The following KLHDC10 variants were observed in gnomAD, a reference collection of about 807,000 sequenced individuals.
KLHDC10 encodes kelch domain containing 10.
In KLHDC10, 24 loss-of-function variants were observed where a neutral mutation model predicts 56.1. That is an observed-to-expected ratio of 0.43 (90% confidence interval 0.31 to 0.60). The LOEUF (loss-of-function observed/expected upper bound fraction) is 0.60. Ranked by LOEUF, KLHDC10 falls within the 20% of genes least tolerant of loss-of-function variation. The pLI, the probability that KLHDC10 is intolerant of heterozygous loss-of-function variation, is 0.11. For synonymous variants in KLHDC10, 188 were observed against 207.1 expected (o/e 0.91, Z 0.79); for missense variants, 349 against 567.0 (o/e 0.62, Z 3.91).
chr7:130,121,837 C>T (rs1034385335), intron 4 of KLHDC10, among the ~76,000 whole-genome samples: 3 of 152,186 alleles, frequency 2.0e-5, no homozygotes, highest in Non-Finnish European at 4.4e-5. Context: ...GACTTCCTTT[C>T]CAGTTGAGTA....
At position 130,132,477 on chromosome 7, in the gene KLHDC10, T is replaced by C. The variant is rs1326317725; in HGVS notation, c.*1731T>C. 1 of 152,200 alleles carries C rather than the reference T, an allele frequency of 6.6e-6. No individual in the cohort carries two copies. Among genetic ancestry groups the C allele is most frequent in the East Asian group, 1.9e-4 (1 of 5,198 alleles). The allele number at this position is 152,200 out of a possible 1,614,324, so 9.4% of individuals were successfully genotyped here. A position where few individuals can be genotyped will look rare whatever the true frequency, so the allele number is the denominator to read the frequency against. On this transcript the variant is annotated 3_prime_UTR_variant, in exon 10 of 10. Transcript: ENST00000335420. ...CTAGGCCTTATCATACCATCCCCTC[T>C]GTGATGGGTTGAGTTCATGGAGCCT...
At chr7:130,076,844 G>C (rs779685121) in intron 1 of KLHDC10, among the ~76,000 whole-genome samples, 10 of 151,920 alleles carry the variant, frequency 6.6e-5, no homozygotes, top group Non-Finnish European at 1.2e-4. Flanking sequence ...TCTATTCCTT[G>C]GTTATCATCT....
chr7:130,117,707 C>T (rs1481664999), intron 3 of KLHDC10: 1 of 151,952 alleles, frequency 6.6e-6, no homozygotes, highest in African/African-American at 2.4e-5. Flanking sequence ...AAAAATTAAC[C>T]AGGCATGGTG....
intron 7 of KLHDC10, among the ~76,000 whole-genome samples, chr7:130,126,983 A>C (rs1270264618): frequency 6.6e-6 from 1 of 152,190 alleles, no homozygotes; most frequent in Non-Finnish European, 1.5e-5. Flanking sequence ...GTGCACCTGT[A>C]GTCCCAGTTA....
intron 1 of KLHDC10, among the ~76,000 whole-genome samples, chr7:130,076,692 A>C (rs1036630729): frequency 2.6e-5 from 4 of 152,198 alleles, no homozygotes; most frequent in Non-Finnish European, 4.4e-5. Context: ...CTGCCCAGTT[A>C]TGGCAGTGTC....
At chr7:130,097,044 G>C (rs758010218) in intron 2 of KLHDC10, 37 bp downstream of exon 2, 2 of 1,335,862 alleles carry the variant, frequency 1.5e-6, no homozygotes, top group Non-Finnish European at 2.1e-6. Context: ...TGCTTCGTAT[G>C]GGTTAAAGGG....
intron 1 of KLHDC10, among the ~76,000 whole-genome samples, chr7:130,078,348 TG>T (rs1795546108): frequency 6.6e-6 from 1 of 151,486 alleles, no homozygotes; most frequent in Non-Finnish European, 1.5e-5. Flanking sequence ...CACTTCAGCC[TG>T]GGTGACAGAG....
chr7:130,108,153 C>G (rs538786049), intron 2 of KLHDC10, among the ~76,000 whole-genome samples: 2 of 149,864 alleles, frequency 1.3e-5, no homozygotes, highest in East Asian at 2.0e-4. Flanking sequence ...CGCCTGAACC[C>G]GGAGGCGGAA....
At chr7:130,076,373 C>A (rs1795503634) in intron 1 of KLHDC10, among the ~76,000 whole-genome samples, 1 of 152,106 alleles carries the variant, frequency 6.6e-6, no homozygotes, top group South Asian at 2.1e-4. Context: ...TAGCCATTGA[C>A]ACGTTGCAGA....
rs749660624 is a variant in KLHDC10 at position 130,116,942 on chromosome 7, G to A, written c.475+276G>A. Among the ~76,000 whole-genome samples, 77 of 152,214 alleles carry A rather than the reference G, an allele frequency of 5.1e-4. No homozygotes were observed. The highest frequency in any genetic ancestry group is 6.3e-4 in the Non-Finnish European group (43 of 68,004). On this transcript the variant is annotated intron_variant, in intron 3 of 9. Coordinates refer to ENST00000335420, the MANE Select transcript of KLHDC10 (RefSeq NM_014997.4). The surrounding 1 kb of genome is among the most constrained non-coding windows in gnomAD (Gnocchi z 4.8). The stretch of plus-strand genomic sequence containing the variant: ...AGGGTTCAATATAAAGTATCACGCA[G>A]TAGAAGGTCAACAAATGGGGCTTAT...
At chr7:130,079,501 T>G (rs958562266) in intron 1 of KLHDC10, among the ~76,000 whole-genome samples, 3 of 152,194 alleles carry the variant, frequency 2.0e-5, no homozygotes, top group African/African-American at 7.2e-5. Context: ...TATTAATGGA[T>G]TTATTGTTAC....
chr7:130,103,257 C>T (rs1795959150), intron 2 of KLHDC10, among the ~76,000 whole-genome samples: 1 of 152,230 alleles, frequency 6.6e-6, no homozygotes, highest in East Asian at 1.9e-4. Context: ...AACCCTGTCT[C>T]TGCTAAAAAT....
intron 3 of KLHDC10, among the ~76,000 whole-genome samples, chr7:130,119,441 G>A (rs1474253259): frequency 6.6e-6 from 1 of 151,334 alleles, no homozygotes; most frequent in Non-Finnish European, 1.5e-5. Context: ...GAGTCCTGGA[G>A]GTCAAGGCTG....
chr7:130,126,572 A>C (rs1329958111), intron 7 of KLHDC10, among the ~76,000 whole-genome samples: 1 of 152,120 alleles, frequency 6.6e-6, no homozygotes, highest in Non-Finnish European at 1.5e-5. Flanking sequence ...GCTACTTGGG[A>C]GGCTGAGGCA....
chr7:130,091,429 G>T (rs144454639), intron 1 of KLHDC10, among the ~76,000 whole-genome samples: 71 of 152,248 alleles, frequency 4.7e-4, no homozygotes, highest in Non-Finnish European at 5.0e-4. Context: ...CTTCTTACAT[G>T]TGTCTTCAGG....
chr7:130,118,307 T>C (rs113010432), intron 3 of KLHDC10, among the ~76,000 whole-genome samples: 4,074 of 152,368 alleles, frequency 0.027, 188 homozygotes, highest in African/African-American at 0.093. Context: ...GTTATGGAGA[T>C]GGCTTCTTTC....
intron 2 of KLHDC10, among the ~76,000 whole-genome samples, chr7:130,103,462 T>C (rs58525371): frequency 0.014 from 2,012 of 148,546 alleles, 45 homozygotes; most frequent in African/African-American, 0.047. Context: ...ATAAAGGGCA[T>C]GCCTTTCATG....
intron 1 of KLHDC10, among the ~76,000 whole-genome samples, chr7:130,078,061 A>ATT (rs142201663): frequency 2.7e-5 from 4 of 149,242 alleles, no homozygotes; most frequent in African/African-American, 9.9e-5. Context: ...TCTCCTTTTC[A>ATT]TTTTTTTTTC....
rs1182456888 is a variant in KLHDC10, at chr7:130,132,129, G to C, written c.*1383G>C. On this transcript the variant is annotated 3_prime_UTR_variant, in exon 10 of 10. Transcript: ENST00000335420. ...CTCGCTTTGCCATCTGGCTGCTAGG[G>C]GAGCTGAGCAAGAGGCTCACCATGC... The C allele has an allele frequency of 6.6e-6, 1 of 152,018 alleles. No homozygotes were observed. The highest frequency in any genetic ancestry group is 6.6e-5 in the Admixed American group (1 of 15,258). The allele number at this position is 152,018 out of a possible 1,614,324, so 9.4% of individuals were successfully genotyped here. A position where few individuals can be genotyped will look rare whatever the true frequency, so the allele number is the denominator to read the frequency against.
Sources: gnomAD v4.1 joint callset for allele counts (sites outside exome capture counted in the v4.1 genomes callset) on GRCh38, gnomAD v4.1.1 for gene constraint, Gnocchi (gnomAD v3.1) non-coding constraint, MANE v1.5 for transcripts, NCBI Gene and HGNC (gene_info 2026-07-23, HGNC 2026-07-21) for gene names.